Variants in MMP20 observed in about 807,000 individuals in gnomAD.
MMP20 encodes matrix metalloproteinase-20.
MMP20 carries 50 observed loss-of-function variants against 51.8 expected under a neutral mutation model. The observed-to-expected ratio is 0.97, with a 90% confidence interval of 0.77 to 1.22. MMP20 has a LOEUF of 1.22. Among genes scored for constraint, MMP20 ranks in the 50% most tolerant of loss-of-function variants. MMP20 has a pLI of 0.00. For missense variants in MMP20, 663 were observed against 601.4 expected (o/e 1.10, Z -1.07); for synonymous variants, 244 against 216.2 (o/e 1.13, Z -1.13).
chr11:102,597,522 G>T (rs983511902), intron 6 of MMP20, among the ~76,000 whole-genome samples: 13 of 152,128 alleles, frequency 8.5e-5, no homozygotes, highest in African/African-American at 1.9e-4. Context: ...TGACAATTTT[G>T]GTTGTCACAG....
intron 8 of MMP20, 128 bp downstream of exon 8, chr11:102,593,311 C>G: frequency 1.2e-6 from 1 of 836,824 alleles, no homozygotes; most frequent in Non-Finnish European, 1.9e-6. Context: ...AAATCGCACC[C>G]CAGTGGCCGA....
intron 2 of MMP20, among the ~76,000 whole-genome samples, chr11:102,612,276 C>T (rs919497283): frequency 6.6e-6 from 1 of 152,126 alleles, no homozygotes; most frequent in African/African-American, 2.4e-5. Flanking sequence ...ATCAGCCTAG[C>T]CAAGATGGTG....
intron 8 of MMP20, among the ~76,000 whole-genome samples, chr11:102,579,603 TG>T (rs1859170086): frequency 6.6e-6 from 1 of 152,204 alleles, no homozygotes. Context: ...AATAAGCCAC[TG>T]GGCCTGGCCC....
Position 102,608,969 on chromosome 11 carries a change from T to G in MMP20, c.779A>C (p.Lys260Thr). ...TGCCTGGATCCCTTTCACATCATCT[T>G]TGGGGAGGTGGAATCCATAGGGATT... Reference protein sequence around the residue: ...YKNPYGFHLPKDDVKGIQALY... With the variant: ...YKNPYGFHLPTDDVKGIQALY... Residue 260 changes from lysine (K) to threonine (T), a missense_variant, in exon 5 of 10, where the codon AAA becomes ACA. Transcript: ENST00000260228. The G allele has an allele frequency of 6.2e-7, 1 of 1,614,106 alleles. No homozygotes were observed. The highest frequency in any genetic ancestry group is 8.5e-7 in the Non-Finnish European group (1 of 1,179,956).
intron 6 of MMP20, among the ~76,000 whole-genome samples, chr11:102,595,637 C>T (rs865846065): frequency 1.2e-4 from 18 of 152,300 alleles, no homozygotes; most frequent in African/African-American, 3.4e-4. Context: ...GCGCTGGAAG[C>T]ATTTACATCT....
At chr11:102,584,593 T>C (rs1859233115) in intron 8 of MMP20, among the ~76,000 whole-genome samples, 1 of 152,202 alleles carries the variant, frequency 6.6e-6, no homozygotes, top group Non-Finnish European at 1.5e-5. Context: ...ACTTTGTTGA[T>C]AGTGTACTGT....
Position 102,577,301 on chromosome 11 carries a change from G to A in MMP20, c.*25C>T. 2 of 1,501,322 alleles carry A rather than the reference G, an allele frequency of 1.3e-6. No individual in the cohort carries two copies. Among genetic ancestry groups the A allele is most frequent in the Non-Finnish European group, 1.9e-6 (2 of 1,077,192 alleles). The allele number at this position is 1,501,322 out of a possible 1,614,324, so 93.0% of individuals were successfully genotyped here. ...GAGGCTGCTTGTAGTCATCCTCATT[G>A]CTTGAGAAGACTAGGCTTTTCTATT... On this transcript the variant is annotated 3_prime_UTR_variant, in exon 10 of 10. Coordinates refer to ENST00000260228, the MANE Select transcript of MMP20 (RefSeq NM_004771.4).
At chr11:102,577,799 A>G (rs1189449282) in intron 9 of MMP20, among the ~76,000 whole-genome samples, 1 of 152,196 alleles carries the variant, frequency 6.6e-6, no homozygotes, top group Non-Finnish European at 1.5e-5. Flanking sequence ...AAAATTTCCA[A>G]TGACTGCTGC....
chr11:102,600,425 A>T (rs1859431637), intron 6 of MMP20, among the ~76,000 whole-genome samples: 1 of 152,148 alleles, frequency 6.6e-6, no homozygotes, highest in Admixed American at 6.6e-5. Context: ...TGTTATTAAC[A>T]AGCTTCTCAA....
At chr11:102,606,711 G>C in intron 5 of MMP20, 35 bp from the exon 6 acceptor site, 1 of 1,612,968 alleles carries the variant, frequency 6.2e-7, no homozygotes, top group Non-Finnish European at 8.5e-7. Flanking sequence ...AAATGGTAAC[G>C]GGAATTTGGA....
intron 1 of MMP20, 90 bp downstream of exon 1, chr11:102,625,104 C>A (rs978730173): frequency 2.0e-6 from 3 of 1,518,368 alleles, no homozygotes; most frequent in South Asian, 1.1e-5. Flanking sequence ...TTTAAAAGAA[C>A]AATAGAATTT....
intron 2 of MMP20, among the ~76,000 whole-genome samples, chr11:102,614,226 T>C (rs578033367): frequency 1.3e-5 from 2 of 152,346 alleles, no homozygotes; most frequent in African/African-American, 4.8e-5. Flanking sequence ...ATATAAGCAC[T>C]ATGCTGTATT....
intron 8 of MMP20, among the ~76,000 whole-genome samples, chr11:102,585,835 A>G (rs1035097975): frequency 1.3e-5 from 2 of 151,994 alleles, no homozygotes; most frequent in East Asian, 1.9e-4. Flanking sequence ...ATAATGTTGA[A>G]TTTTGCCAAA....
At chr11:102,591,559 T>C (rs1859317550) in intron 8 of MMP20, among the ~76,000 whole-genome samples, 1 of 152,210 alleles carries the variant, frequency 6.6e-6, no homozygotes, top group African/African-American at 2.4e-5. Flanking sequence ...CATCACTTAA[T>C]ACCCTCTGTA....
At chr11:102,578,569 C>A (rs1591606457) in intron 9 of MMP20, among the ~76,000 whole-genome samples, 1 of 152,096 alleles carries the variant, frequency 6.6e-6, no homozygotes, top group Non-Finnish European at 1.5e-5. Context: ...AACTCCATCT[C>A]CACTAAAAAT....
chr11:102,600,300 C>T (rs760895506), intron 6 of MMP20, among the ~76,000 whole-genome samples: 9 of 152,080 alleles, frequency 5.9e-5, no homozygotes, highest in Non-Finnish European at 8.8e-5. Flanking sequence ...TATTGTTTTC[C>T]TTCCTGTAGC....
chr11:102,586,649 T>A (rs1215234777), intron 8 of MMP20, among the ~76,000 whole-genome samples: 2 of 151,652 alleles, frequency 1.3e-5, no homozygotes, highest in East Asian at 3.9e-4. Context: ...CCATCTCTAC[T>A]AAAAAATACA....
chr11:102,580,929 C>G (rs1206944999), intron 8 of MMP20, among the ~76,000 whole-genome samples: 2 of 152,178 alleles, frequency 1.3e-5, no homozygotes, highest in African/African-American at 4.8e-5. Flanking sequence ...TAGCTGTGAA[C>G]TGGTGAGAAC....
At chr11:102,622,310 C>T (rs1297888602) in intron 1 of MMP20, among the ~76,000 whole-genome samples, 1 of 152,158 alleles carries the variant, frequency 6.6e-6, no homozygotes, top group East Asian at 1.9e-4. Context: ...AGCACTCTCT[C>T]TGCTTAGCGT....
Sources: allele counts gnomAD v4.1 joint callset (sites outside exome capture counted in the v4.1 genomes callset), GRCh38; gene constraint gnomAD v4.1.1; transcripts MANE v1.5; gene names NCBI Gene and HGNC (gene_info 2026-07-23, HGNC 2026-07-21).